FBRSL1: variants seen among roughly 807,000 people sequenced by gnomAD.
FBRSL1 encodes the protein fibrosin-1-like protein.
Under a neutral mutation model 89.6 loss-of-function variants are expected in FBRSL1, and 51 were observed. That is an observed-to-expected ratio of 0.57 (90% confidence interval 0.45 to 0.72). The LOEUF is 0.72. FBRSL1 is among the 30% of genes least tolerant of loss of function. The pLI, the probability that FBRSL1 is intolerant of heterozygous loss-of-function variation, is 0.00. For missense variants in FBRSL1, 1,618 were observed against 1,451.8 expected (o/e 1.11, Z -1.86); for synonymous variants, 779 against 681.1 (o/e 1.14, Z -2.24).
rs1439379514 is a variant in FBRSL1 at position 132,582,179 on chromosome 12, C to T, written c.2114C>T (p.Pro705Leu). The T allele has an allele frequency of 5.2e-6, 8 of 1,550,032 alleles. No homozygotes were observed. The East Asian group carries it at 7.3e-5, about 14-fold the overall frequency. ...CCGCCCTCCTTCCCGGCTCCGCCCC[C>T]GTGGCCCAAGTCCGTGGACGCGGAG... ...RAPPSFPAPP[P>L]WPKSVDAERV... Residue 705 changes from proline to leucine, a missense_variant, in exon 18 of 19, where the codon CCG becomes CTG. Pro to Leu is a moderately conservative substitution (Grantham distance 98, BLOSUM62 -3). Transcript: ENST00000680143.
intron 1 of FBRSL1, among the ~76,000 whole-genome samples, chr12:132,498,195 G>A (rs1367784844): frequency 6.6e-6 from 1 of 152,206 alleles, no homozygotes; most frequent in African/African-American, 2.4e-5. Flanking sequence ...CGTGCCCCCT[G>A]TGTGGGTGTG....
chr12:132,559,070 G>A (rs927127011), intron 5 of FBRSL1, among the ~76,000 whole-genome samples: 3 of 152,262 alleles, frequency 2.0e-5, no homozygotes, highest in Admixed American at 2.0e-4. Flanking sequence ...GGTGCGGTCA[G>A]GCGCACATAA....
intron 12 of FBRSL1, 49 bp from the exon 13 acceptor site, chr12:132,574,270 T>C: frequency 6.7e-7 from 1 of 1,481,792 alleles, no homozygotes; most frequent in Non-Finnish European, 9.0e-7. Context: ...CCCCCAGGAC[T>C]CAGCCTCCTG....
Position 132,583,192 on chromosome 12 carries a change from C to T in FBRSL1, c.2423C>T (p.Ala808Val), listed in dbSNP as rs1010347193. The T allele has an allele frequency of 6.9e-7, 1 of 1,448,514 alleles. No individual in the cohort carries two copies. 89.7% of individuals were successfully genotyped at this position (1,448,514 alleles called of 1,614,324 possible). Residue 808 changes from alanine (A) to valine (V), a missense_variant, in exon 19 of 19, where the codon GCC becomes GTC. Coordinates refer to ENST00000680143, the MANE Select transcript of FBRSL1 (RefSeq NM_001367871.1). Reference sequence around the variant, plus strand: ...GCATCCCCGCCCCACAGCAAGGCGGCCCCTGGAGACGTGAAGGTCAAGGAG... The same window carrying T: ...GCATCCCCGCCCCACAGCAAGGCGGTCCCTGGAGACGTGAAGGTCAAGGAG... ...ARASPPHSKAAPGDVKVKEER... is the reference protein window; with the variant it reads ...ARASPPHSKAVPGDVKVKEER...
intron 1 of FBRSL1, among the ~76,000 whole-genome samples, chr12:132,493,274 C>A (rs190152560): frequency 2.9e-4 from 44 of 152,374 alleles, no homozygotes; most frequent in African/African-American, 9.4e-4. Context: ...TCCCTCTGCC[C>A]CCACCCGCGT....
intron 5 of FBRSL1, among the ~76,000 whole-genome samples, chr12:132,564,558 C>CGT (rs1566211834): frequency 2.9e-4 from 31 of 107,090 alleles, no homozygotes; most frequent in African/African-American, 2.5e-4. Flanking sequence ...TCCAGTGGTA[C>CGT]GATCTCAGCT....
In FBRSL1 at chr12:132,583,328, G is replaced by A; in HGVS notation, c.2559G>A (p.Glu853=). The A allele has an allele frequency of 8.4e-7, 1 of 1,185,912 alleles. No homozygotes were observed. The highest frequency in any genetic ancestry group is 1.0e-6 in the Non-Finnish European group (1 of 955,768). 73.5% of individuals were successfully genotyped at this position (1,185,912 alleles called of 1,614,324 possible). A position where few individuals can be genotyped will look rare whatever the true frequency, so the allele number is the denominator to read the frequency against. ...ERLGAPGFAW[E]PFRGLELPRR... ...TGGGCGCGCCGGGCTTCGCGTGGGAGCCTTTCCGCGGCCTGGAGCTGCCAC... is the reference window on the plus strand; with the variant it reads ...TGGGCGCGCCGGGCTTCGCGTGGGAACCTTTCCGCGGCCTGGAGCTGCCAC... Residue 853 remains glutamate, a synonymous_variant, in exon 19 of 19, where the codon GAG becomes GAA. Coordinates refer to ENST00000680143, the MANE Select transcript of FBRSL1 (RefSeq NM_001367871.1).
chr12:132,529,535 A>T (rs2136989918), intron 4 of FBRSL1, among the ~76,000 whole-genome samples: 1 of 151,896 alleles, frequency 6.6e-6, no homozygotes, highest in East Asian at 1.9e-4. Context: ...CAGCTCTACC[A>T]TCCTGGGCTC....
intron 2 of FBRSL1, among the ~76,000 whole-genome samples, chr12:132,515,944 A>G (rs1054906436): frequency 1.3e-5 from 2 of 152,164 alleles, no homozygotes; most frequent in African/African-American, 2.4e-5. Flanking sequence ...GAAACAGACA[A>G]TAGAGGAAAT....
chr12:132,532,583 C>G (rs986938783), intron 4 of FBRSL1, among the ~76,000 whole-genome samples: 2 of 152,220 alleles, frequency 1.3e-5, no homozygotes, highest in African/African-American at 4.8e-5. Flanking sequence ...GAAATCCGTC[C>G]CCTTGCCTCC....
At chr12:132,509,189 G>C (rs1248532803) in intron 2 of FBRSL1, 3 of 1,245,778 alleles carry the variant, frequency 2.4e-6, no homozygotes, top group African/African-American at 1.6e-5. Context: ...AAGGGGGGCC[G>C]CTCCCAGCCA....
At chr12:132,538,206 AGCTGCCTGTCC>A (rs1424735122) in intron 4 of FBRSL1, among the ~76,000 whole-genome samples, 6 of 152,196 alleles carry the variant, frequency 3.9e-5, no homozygotes, top group Non-Finnish European at 8.8e-5. Context: ...TGTGTTCTCC[AGCTGCCTGTCC>A]TTCTAACCAG....
chr12:132,544,370 C>T (rs1260812225), intron 4 of FBRSL1, among the ~76,000 whole-genome samples: 3 of 152,210 alleles, frequency 2.0e-5, no homozygotes, highest in African/African-American at 4.8e-5. Flanking sequence ...GACTTGATAT[C>T]GGGGTCTCCT....
chr12:132,502,019 T>C (rs1432688634), intron 1 of FBRSL1, among the ~76,000 whole-genome samples: 1 of 152,212 alleles, frequency 6.6e-6, no homozygotes, highest in Non-Finnish European at 1.5e-5. Context: ...TGTGAGGAAG[T>C]CTGTTTGTAC....
At chr12:132,543,980 C>CTT (rs2037475673) in intron 4 of FBRSL1, among the ~76,000 whole-genome samples, 2 of 152,182 alleles carry the variant, frequency 1.3e-5, no homozygotes, top group African/African-American at 4.8e-5. Flanking sequence ...GGTCTGGAAC[C>CTT]CCTGTCGGGT....
At chr12:132,520,258 A>AGCACACCCTCCTT (rs1431745180) in intron 2 of FBRSL1, among the ~76,000 whole-genome samples, 2 of 151,108 alleles carry the variant, frequency 1.3e-5, no homozygotes, top group Non-Finnish European at 2.9e-5. Flanking sequence ...GCACACCTCT[A>AGCACACCCTCCTT]GCACACCCTC....
chr12:132,504,327 T>C (rs1267748928), intron 1 of FBRSL1, among the ~76,000 whole-genome samples: 1 of 152,206 alleles, frequency 6.6e-6, no homozygotes, highest in Non-Finnish European at 1.5e-5. Context: ...AGGAATGTTA[T>C]TGGTGCTGTA....
chr12:132,581,393 C>T, intron 15 of FBRSL1, 46 bp from the exon 16 acceptor site: 2 of 1,550,744 alleles, frequency 1.3e-6, no homozygotes, highest in Non-Finnish European at 1.7e-6. Context: ...ATGGGAGGCC[C>T]TGGTGCTCTC....
At chr12:132,503,464 C>T (rs1188597748) in intron 1 of FBRSL1, among the ~76,000 whole-genome samples, 1 of 152,174 alleles carries the variant, frequency 6.6e-6, no homozygotes, top group Non-Finnish European at 1.5e-5. Context: ...ACGCCCTGGG[C>T]GGGGGGAGAT....
Sources: allele counts gnomAD v4.1 joint callset (sites outside exome capture counted in the v4.1 genomes callset), GRCh38; gene constraint gnomAD v4.1.1; transcripts MANE v1.5; gene names NCBI Gene and HGNC (gene_info 2026-07-23, HGNC 2026-07-21).